CBLL1: variants seen among roughly 807,000 people sequenced by gnomAD.
CBLL1 encodes the protein Cbl proto-oncogene like 1, also known as E3 ubiquitin-protein ligase Hakai.
In CBLL1, 4 loss-of-function variants were observed where a neutral mutation model predicts 44.9. The observed-to-expected ratio is 0.09, with a 90% confidence interval of 0.04 to 0.20. The LOEUF is 0.20. Ranked by LOEUF, CBLL1 falls within the 10% of genes least tolerant of loss-of-function variation. CBLL1 has a pLI of 1.00. For synonymous variants in CBLL1, 235 were observed against 202.2 expected (o/e 1.16, Z -1.38); for missense variants, 569 against 636.7 (o/e 0.89, Z 1.14).
Position 107,759,470 on chromosome 7 carries a change from T to C in CBLL1, c.*292T>C, listed in dbSNP as rs912299546. On this transcript the variant is annotated 3_prime_UTR_variant, in exon 6 of 6. Transcript: ENST00000440859. ...ACCATTTGTAAAAAATTTGAAAAAA[T>C]TTTTCATTGTTTTACTTCAAAAGTA... 3.9e-6 allele frequency: 1 copy of C among 257,184 alleles called. No homozygotes were observed. Among genetic ancestry groups the C allele is most frequent in the Non-Finnish European group, 7.4e-6 (1 of 135,174 alleles). 15.9% of individuals were successfully genotyped at this position (257,184 alleles called of 1,614,324 possible).
chr7:107,746,346 C>T (rs939033881), intron 1 of CBLL1, among the ~76,000 whole-genome samples: 1 of 152,102 alleles, frequency 6.6e-6, no homozygotes, highest in Non-Finnish European at 1.5e-5. Flanking sequence ...ATGAGCTGAC[C>T]ACTTAAAAAA....
intron 2 of CBLL1, 84 bp downstream of exon 2, chr7:107,749,131 CTT>C: frequency 1.6e-6 from 2 of 1,214,346 alleles, no homozygotes; most frequent in Non-Finnish European, 2.3e-6. Flanking sequence ...ATAGCTACCT[CTT>C]TTTGTCTTAC....
In CBLL1 at chr7:107,758,248, A is replaced by G. The variant is rs772480028; in HGVS notation, c.546A>G (p.Leu182=). ...CKRTYLSQRD[L]QAHINHRHMR... ...GAACATATTTGTCTCAGAGAGACTT[A>G]CAGGCTCATATCAACCATCGCCATA... The change falls in exon 6 of 6, where the codon TTA becomes TTG. Residue 182 remains leucine, a synonymous_variant. Transcript: ENST00000440859. The surrounding 1 kb of genome is among the most constrained non-coding windows in gnomAD (Gnocchi z 4.2). 8 of 1,614,018 alleles carry G rather than the reference A, an allele frequency of 5.0e-6. No individual in the cohort carries two copies. In the South Asian group the frequency reaches 6.6e-5, roughly 13 times the overall value.
chr7:107,752,753 G>A (rs917202413), intron 2 of CBLL1: 2 of 320,956 alleles, frequency 6.2e-6, no homozygotes, highest in Non-Finnish European at 1.2e-5. Flanking sequence ...TATATCTTAA[G>A]TTTATTGATA....
At chr7:107,752,178 G>A (rs1480141688) in intron 2 of CBLL1, among the ~76,000 whole-genome samples, 9 of 142,838 alleles carry the variant, frequency 6.3e-5, no homozygotes, top group African/African-American at 1.8e-4. Context: ...CAACCTGGGC[G>A]ACAGAGTGAG....
chr7:107,760,089 TTC>T lies in CBLL1; in HGVS notation c.*913_*914del, dbSNP rs1184135355. On this transcript the variant is annotated 3_prime_UTR_variant, in exon 6 of 6. Transcript: ENST00000440859. The stretch of plus-strand genomic sequence containing the variant: ...AATGGTGTTCTTTAGATGAAATGTG[TTC>T]TGTTTTGTTCATTGTCTTAAACTGA... 2 of 152,252 alleles carry T rather than the reference TTC, an allele frequency of 1.3e-5. No homozygotes were observed. The highest frequency in any genetic ancestry group is 2.9e-5 in the Non-Finnish European group (2 of 67,974). 9.4% of individuals were successfully genotyped at this position (152,252 alleles called of 1,614,324 possible).
chr7:107,757,920 A>G (rs1158862318), intron 5 of CBLL1, among the ~76,000 whole-genome samples: 1 of 152,076 alleles, frequency 6.6e-6, no homozygotes, highest in Non-Finnish European at 1.5e-5. Flanking sequence ...ATACCGTTTG[A>G]TATTAGGAGT....
rs1217157788 is a variant in CBLL1 at position 107,758,967 on chromosome 7, A to T, written c.1265A>T (p.His422Leu). 1 of 1,613,232 alleles carries T rather than the reference A, an allele frequency of 6.2e-7. No homozygotes were observed. Among genetic ancestry groups the T allele is most frequent in the South Asian group, 1.1e-5 (1 of 91,036 alleles). The change falls in exon 6 of 6, where the codon CAC (histidine) becomes CTC (leucine). Residue 422 changes from histidine (H) to leucine (L), a missense_variant. Physicochemically the swap from His to Leu is moderately conservative, Grantham distance 99 (BLOSUM62 -3). Coordinates refer to ENST00000440859, the MANE Select transcript of CBLL1 (RefSeq NM_024814.4). The surrounding 1 kb of genome is among the most constrained non-coding windows in gnomAD (Gnocchi z 4.2). The stretch of plus-strand genomic sequence containing the variant: ...CCACCTGTAACTGCACCCCCTCCTC[A>T]CCATTATAATCCTAACTCATTACCC... ...GGPPVTAPPP[H>L]HYNPNSLPQF... is the part of the protein sequence containing the mutation.
At position 107,752,502 on chromosome 7, in the gene CBLL1, G is replaced by A. The variant is rs1357953096; in HGVS notation, c.182-909G>A. The A allele has an allele frequency of 3.6e-6, 4 of 1,106,468 alleles. No homozygotes were observed. In the South Asian group the frequency reaches 5.2e-5, roughly 14 times the overall value. The allele number at this position is 1,106,468 out of a possible 1,614,324, so 68.5% of individuals were successfully genotyped here. A position where few individuals can be genotyped will look rare whatever the true frequency, so the allele number is the denominator to read the frequency against. On this transcript the variant is annotated intron_variant, in intron 2 of 5. Coordinates refer to ENST00000440859, the MANE Select transcript of CBLL1 (RefSeq NM_024814.4). ...TATAGGTGCTGTAATTTAGTCATGT[G>A]GGTAAAGTTAAAACTTGTGTGCTTG...
chr7:107,755,973 C>CAT, intron 5 of CBLL1, among the ~76,000 whole-genome samples: 1 of 152,028 alleles, frequency 6.6e-6, no homozygotes, highest in South Asian at 2.1e-4. Context: ...TACACAGATA[C>CAT]ATATATATAG....
chr7:107,754,059 GT>G, intron 4 of CBLL1, 81 bp downstream of exon 4: 1 of 794,658 alleles, frequency 1.3e-6, no homozygotes, highest in Non-Finnish European at 1.9e-6. Flanking sequence ...GTTTATCATT[GT>G]TTAATGACTA....
chr7:107,748,643 CCT>C (rs1446215982), intron 1 of CBLL1, among the ~76,000 whole-genome samples: 2 of 152,050 alleles, frequency 1.3e-5, no homozygotes, highest in Non-Finnish European at 2.9e-5. Context: ...AGGGAGAGGT[CCT>C]ATAACTTTTA....
chr7:107,749,690 A>C (rs539450133), intron 2 of CBLL1, among the ~76,000 whole-genome samples: 1 of 151,182 alleles, frequency 6.6e-6, no homozygotes, highest in Non-Finnish European at 1.5e-5. Context: ...CCAAATTTGT[A>C]GTTTTAAAGG....
At chr7:107,752,440 GTC>G (rs530008663) in intron 2 of CBLL1, 322 of 365,668 alleles carry the variant, frequency 8.8e-4, no homozygotes, top group African/African-American at 1.6e-3. Flanking sequence ...ATGTGAATGT[GTC>G]TCTCTGTGTG....
chr7:107,748,051 CTT>C (rs1443937203), intron 1 of CBLL1, among the ~76,000 whole-genome samples: 5 of 152,224 alleles, frequency 3.3e-5, no homozygotes, highest in East Asian at 3.9e-4. Flanking sequence ...AAAGGTAACT[CTT>C]AAGCTTTAGA....
chr7:107,744,198 G>T, intron 1 of CBLL1, 22 bp downstream of exon 1: 1 of 1,545,268 alleles, frequency 6.5e-7, no homozygotes, highest in Non-Finnish European at 8.7e-7. Flanking sequence ...GAGGCAGTGG[G>T]GGTCCCGGTT....
rs746432380 is a variant in CBLL1, at chr7:107,758,344, T to C, written c.642T>C (p.Thr214=). The C allele has an allele frequency of 1.9e-6, 3 of 1,613,950 alleles. No homozygotes were observed. In the African/African-American group the frequency reaches 4.0e-5, roughly 22 times the overall value. The change falls in exon 6 of 6, where the codon ACT becomes ACC. Residue 214 remains threonine (T), a synonymous_variant. Transcript: ENST00000440859. This position sits in a 1 kb window ranked among gnomAD's most constrained non-coding sequence, Gnocchi z 4.2. ...NVHPPIAPPP[T]EIPERFIMPP... is the part of the protein sequence containing the mutation. ...ATCCTCCTATTGCCCCACCACCAAC[T>C]GAAATCCCTGAGCGTTTTATAATGC...
At chr7:107,757,941 A>C (rs1402181642) in intron 5 of CBLL1, among the ~76,000 whole-genome samples, 2 of 152,136 alleles carry the variant, frequency 1.3e-5, no homozygotes, top group African/African-American at 4.8e-5. Flanking sequence ...TCTGAAGTTG[A>C]CAGAAATGCC....
Position 107,758,230 on chromosome 7 carries a change from T to C in CBLL1, c.528T>C (p.Tyr176=), listed in dbSNP as rs1253057495. Residue 176 remains tyrosine (Y), a synonymous_variant, in exon 6 of 6, where the codon TAT becomes TAC. Transcript: ENST00000440859. The surrounding 1 kb of genome is among the most constrained non-coding windows in gnomAD (Gnocchi z 4.2). The part of the protein sequence containing the change: ...CSIVQGCKRT[Y]LSQRDLQAHI... ...TTGTTCAAGGGTGCAAGAGAACATA[T>C]TTGTCTCAGAGAGACTTACAGGCTC... 2 of 1,614,030 alleles carry C rather than the reference T, an allele frequency of 1.2e-6. No individual in the cohort carries two copies. The highest frequency in any genetic ancestry group is 1.7e-6 in the Non-Finnish European group (2 of 1,180,024).
Sources: allele counts gnomAD v4.1 joint callset (sites outside exome capture counted in the v4.1 genomes callset), GRCh38; gene constraint gnomAD v4.1.1; non-coding constraint Gnocchi (gnomAD v3.1); transcripts MANE v1.5; gene names NCBI Gene and HGNC (gene_info 2026-07-23, HGNC 2026-07-21).